Variants in ADAMTS16 observed in about 807,000 individuals in gnomAD.
ADAMTS16 encodes A disintegrin and metalloproteinase with thrombospondin motifs 16.
ADAMTS16 carries 94 observed loss-of-function variants against 145.8 expected under a neutral mutation model. The observed-to-expected ratio is 0.64, with a 90% CI of 0.55 to 0.77. The LOEUF is 0.77. Among genes scored for constraint, ADAMTS16 ranks in the 30% least tolerant of loss-of-function variants. The pLI, the probability that ADAMTS16 is intolerant of heterozygous loss-of-function variation, is 0.00. For missense variants in ADAMTS16, 1,585 were observed against 1,591.5 expected (o/e 1.00, Z 0.07); for synonymous variants, 659 against 604.3 (o/e 1.09, Z -1.33).
intron 17 of ADAMTS16, among the ~76,000 whole-genome samples, chr5:5,260,720 G>T (rs1737983148): frequency 6.6e-6 from 1 of 152,236 alleles, no homozygotes; most frequent in African/African-American, 2.4e-5. Flanking sequence ...AACTGATACT[G>T]TACGGAGTGC....
chr5:5,246,135 T>C (rs1379103032), intron 17 of ADAMTS16, among the ~76,000 whole-genome samples: 1 of 152,244 alleles, frequency 6.6e-6, no homozygotes, highest in East Asian at 1.9e-4. Context: ...CGCTGTCATC[T>C]TTTAAAGTCA....
At chr5:5,258,696 A>C (rs1380899134) in intron 17 of ADAMTS16, among the ~76,000 whole-genome samples, 5 of 152,190 alleles carry the variant, frequency 3.3e-5, no homozygotes, top group Non-Finnish European at 5.9e-5. Context: ...GTCAGAGGAC[A>C]TAGGAGAGGT....
At chr5:5,305,541 T>TAC (rs113675807) in intron 20 of ADAMTS16, among the ~76,000 whole-genome samples, 9,910 of 115,500 alleles carry the variant, frequency 0.086, 408 homozygotes, top group Middle Eastern at 0.18. Context: ...TCCCACACCA[T>TAC]ACACACACAC....
At position 5,283,409 on chromosome 5, in the gene ADAMTS16, T is replaced by C. The variant is rs187639184; in HGVS notation, c.2790-19859T>C. ...TTGTAAGAAAAGAAGTTGACAAATG[T>C]GTTTTTTAAAGTTTGTGACAATCTG... On this transcript the variant is annotated intron_variant, in intron 18 of 22. Transcript: ENST00000274181. Among the ~76,000 whole-genome samples, 74 of 152,320 alleles carry C rather than the reference T, an allele frequency of 4.9e-4. 2 individuals carry two copies. Among genetic ancestry groups the C allele is most frequent in the African/African-American group, 1.7e-3 (70 of 41,564 alleles).
At chr5:5,279,896 C>T (rs1389029386) in intron 18 of ADAMTS16, among the ~76,000 whole-genome samples, 1 of 94,526 alleles carries the variant, frequency 1.1e-5, no homozygotes, top group African/African-American at 3.8e-5. Flanking sequence ...TTCCTTCCTT[C>T]TTTCTTTTCT....
intron 9 of ADAMTS16, among the ~76,000 whole-genome samples, chr5:5,202,797 G>T (rs1303943051): frequency 1.3e-5 from 2 of 152,088 alleles, no homozygotes; most frequent in Admixed American, 6.5e-5. Flanking sequence ...TATAATTTGG[G>T]TGTGTAGTGA....
At chr5:5,200,027 G>C (rs547936729) in intron 8 of ADAMTS16, 105 bp from the exon 9 acceptor site, 1 of 1,334,808 alleles carries the variant, frequency 7.5e-7, no homozygotes, top group East Asian at 2.5e-5. Context: ...AGCATATAGG[G>C]GTGAGGGAGT....
intron 3 of ADAMTS16, among the ~76,000 whole-genome samples, chr5:5,155,437 A>C (rs1734576359): frequency 6.6e-6 from 1 of 152,242 alleles, no homozygotes; most frequent in African/African-American, 2.4e-5. Flanking sequence ...GAGAATTAAT[A>C]CAATGCATTA....
chr5:5,286,372 T>C (rs953339699), intron 18 of ADAMTS16, among the ~76,000 whole-genome samples: 69 of 152,200 alleles, frequency 4.5e-4, no homozygotes, highest in African/African-American at 1.7e-3. Context: ...TCCCTTAGTT[T>C]TCTGGACCAA....
chr5:5,206,389 G>C (rs1356949786), intron 9 of ADAMTS16, among the ~76,000 whole-genome samples: 2 of 96,100 alleles, frequency 2.1e-5, no homozygotes, highest in East Asian at 7.5e-4. Flanking sequence ...TCCCGCCACT[G>C]CACTCCAGCC....
chr5:5,180,721 T>G lies in ADAMTS16; in HGVS notation c.502-1323T>G, dbSNP rs558748551. On this transcript the variant is annotated intron_variant, in intron 3 of 22. Coordinates refer to ENST00000274181, the MANE Select transcript of ADAMTS16 (RefSeq NM_139056.4). Reference sequence around the variant, plus strand: ...TTTTGGAAACCCTGTAGCATAAACCTTAAACTTACAAGTTCTGAAAGTACT... The same window carrying G: ...TTTTGGAAACCCTGTAGCATAAACCGTAAACTTACAAGTTCTGAAAGTACT... 3.3e-5 allele frequency among the ~76,000 whole-genome samples: 5 copies of G among 152,346 alleles called. No homozygotes were observed. The East Asian group carries it at 9.6e-4, about 29-fold the overall frequency.
chr5:5,141,277 G>A (rs79022129), intron 2 of ADAMTS16, among the ~76,000 whole-genome samples: 2,584 of 152,252 alleles, frequency 0.017, 47 homozygotes, highest in Non-Finnish European at 0.021. Context: ...AACAATCAGG[G>A]CGTACTTCAA....
At position 5,281,165 on chromosome 5, in the gene ADAMTS16, A is replaced by C. The variant is rs144112759; in HGVS notation, c.2789+18382A>C. ...GCATCACATGAAGCCAAGAAAGCTG[A>C]AGCTTTAAGGCTCTTCTAATCGCAA... is the stretch of plus-strand genomic sequence containing the variant. On this transcript the variant is annotated intron_variant, in intron 18 of 22. Coordinates refer to ENST00000274181, the MANE Select transcript of ADAMTS16 (RefSeq NM_139056.4). 3.5e-3 allele frequency among the ~76,000 whole-genome samples: 530 copies of C among 152,346 alleles called. 3 individuals carry two copies. Among genetic ancestry groups the C allele is most frequent in the African/African-American group, 0.012 (496 of 41,586 alleles).
At chr5:5,241,273 A>G (rs1168225379) in intron 16 of ADAMTS16, among the ~76,000 whole-genome samples, 1 of 152,220 alleles carries the variant, frequency 6.6e-6, no homozygotes, top group East Asian at 1.9e-4. Context: ...TCCAACTAAG[A>G]TTCAAGGATC....
rs769263543 is a variant in ADAMTS16, at chr5:5,191,665, T to C, written c.1208-20T>C. ...TATTACAACACCGCTATGTGTTCTT[T>C]TGATCTTTGTCCTTCACAGGATTTG... On this transcript the variant is annotated intron_variant, in intron 7 of 22. Transcript: ENST00000274181. 23 of 1,588,576 alleles carry C rather than the reference T, an allele frequency of 1.4e-5. No individual in the cohort carries two copies. The South Asian group carries it at 2.6e-4, about 18-fold the overall frequency.
intron 9 of ADAMTS16, among the ~76,000 whole-genome samples, chr5:5,205,591 C>T (rs1736080361): frequency 6.6e-6 from 1 of 152,248 alleles, no homozygotes; most frequent in Non-Finnish European, 1.5e-5. Flanking sequence ...TCCACATTCT[C>T]ATCAGTGTTT....
At chr5:5,271,866 T>C (rs1488303156) in intron 18 of ADAMTS16, among the ~76,000 whole-genome samples, 2 of 152,172 alleles carry the variant, frequency 1.3e-5, no homozygotes, top group Non-Finnish European at 2.9e-5. Context: ...GGATGGCTTA[T>C]TCTTCTTGCT....
chr5:5,254,481 A>G (rs1737721411), intron 17 of ADAMTS16, among the ~76,000 whole-genome samples: 1 of 152,188 alleles, frequency 6.6e-6, no homozygotes, highest in South Asian at 2.1e-4. Context: ...ACATACAAGT[A>G]CCTATATTTA....
chr5:5,173,089 AT>A (rs1219710174), intron 3 of ADAMTS16, among the ~76,000 whole-genome samples: 1 of 148,546 alleles, frequency 6.7e-6, no homozygotes, highest in African/African-American at 2.5e-5. Flanking sequence ...CTATTCCTTT[AT>A]TTTTAGTCTA....
Sources: allele counts gnomAD v4.1 joint callset (sites outside exome capture counted in the v4.1 genomes callset), GRCh38; gene constraint gnomAD v4.1.1; transcripts MANE v1.5; gene names NCBI Gene and HGNC (gene_info 2026-07-23, HGNC 2026-07-21).